SLC35F4: variants seen among roughly 807,000 people sequenced by gnomAD.
The protein encoded by SLC35F4 is solute carrier family 35 member F4.
Under a neutral mutation model 44.2 loss-of-function variants are expected in SLC35F4, and 24 were observed. The ratio of observed to expected loss-of-function variants is 0.54; its 90% CI spans 0.39 to 0.76. The LOEUF (loss-of-function observed/expected upper bound fraction) is 0.76, where lower values mean the gene tolerates loss of function less well. Among genes scored for constraint, SLC35F4 ranks in the 30% least tolerant of loss-of-function variants. SLC35F4 has a pLI of 0.00. For missense variants in SLC35F4, 562 were observed against 586.1 expected (o/e 0.96, Z 0.42); for synonymous variants, 238 against 223.6 (o/e 1.06, Z -0.57).
At position 57,563,929 on chromosome 14, in the gene SLC35F4, A is replaced by C. The variant is rs2068078995; in HGVS notation, c.*206T>G. ...AAAATCAGAAAACAGAACAAGGACA[A>C]ATGTGTTTTAATAAAAAAATCCATT... On this transcript the variant is annotated 3_prime_UTR_variant, in exon 8 of 8. Transcript: ENST00000556826. The C allele has an allele frequency of 1.7e-6, 1 of 583,466 alleles. No homozygotes were observed. The highest frequency in any genetic ancestry group is 1.9e-5 in the African/African-American group (1 of 53,028). The allele number at this position is 583,466 out of a possible 1,614,324, so 36.1% of individuals were successfully genotyped here. A position where few individuals can be genotyped will look rare whatever the true frequency, so the allele number is the denominator to read the frequency against.
At chr14:57,808,602 A>G (rs1387455852) in intron 1 of SLC35F4, among the ~76,000 whole-genome samples, 2 of 150,658 alleles carry the variant, frequency 1.3e-5, no homozygotes, top group Non-Finnish European at 2.9e-5. Context: ...TTCTTTCTCC[A>G]GCTTGGGCAA....
At chr14:57,862,971 A>G (rs1887806434) in intron 1 of SLC35F4, among the ~76,000 whole-genome samples, 2 of 152,244 alleles carry the variant, frequency 1.3e-5, no homozygotes, top group African/African-American at 4.8e-5. Flanking sequence ...CACTTGTTGA[A>G]TGAATGAATC....
chr14:57,606,012 T>C (rs2071142740), intron 1 of SLC35F4, among the ~76,000 whole-genome samples: 1 of 152,190 alleles, frequency 6.6e-6, no homozygotes, highest in Non-Finnish European at 1.5e-5. Context: ...TATTGGGTAC[T>C]ATGCTCACTA....
At chr14:57,717,844 C>A (rs36023287) in intron 1 of SLC35F4, among the ~76,000 whole-genome samples, 60,162 of 151,966 alleles carry the variant, frequency 0.4, 11,929 homozygotes, top group Middle Eastern at 0.42. Flanking sequence ...AAGCATTTAT[C>A]CTTTGTTACA....
intron 4 of SLC35F4, among the ~76,000 whole-genome samples, chr14:57,572,876 G>C (rs2068585936): frequency 1.3e-5 from 2 of 152,184 alleles, no homozygotes; most frequent in Admixed American, 1.3e-4. Context: ...CAGAGCTATA[G>C]CAAACAGTAA....
intron 1 of SLC35F4, among the ~76,000 whole-genome samples, chr14:57,880,096 GGA>G: frequency 9.4e-6 from 1 of 106,044 alleles, no homozygotes; most frequent in East Asian, 2.6e-4. Flanking sequence ...AAGGAAGGAA[GGA>G]AGGAAGGAAG....
At chr14:57,774,894 GCAC>G (rs879559679) in intron 1 of SLC35F4, among the ~76,000 whole-genome samples, 4 of 152,132 alleles carry the variant, frequency 2.6e-5, no homozygotes, top group African/African-American at 4.8e-5. Flanking sequence ...TTGTGCATGT[GCAC>G]CACGACAAGC....
chr14:57,912,176 T>C (rs953180396), intron 1 of SLC35F4, among the ~76,000 whole-genome samples: 7 of 151,930 alleles, frequency 4.6e-5, no homozygotes, highest in Admixed American at 1.3e-4. Flanking sequence ...GGCTAGAAGA[T>C]TACTAATTTT....
At chr14:57,580,967 G>A in intron 4 of SLC35F4, 1 of 343,914 alleles carries the variant, frequency 2.9e-6, no homozygotes, top group East Asian at 4.5e-5. Context: ...ATAGGAACTT[G>A]TTTTCTCTGC....
At chr14:57,735,717 C>A (rs1378820398) in intron 1 of SLC35F4, among the ~76,000 whole-genome samples, 2 of 145,278 alleles carry the variant, frequency 1.4e-5, no homozygotes, top group Non-Finnish European at 3.0e-5. Context: ...ACATAGCCAC[C>A]CCCTTTTGTT....
At chr14:57,670,691 G>T (rs1205241847) in intron 1 of SLC35F4, among the ~76,000 whole-genome samples, 1 of 151,970 alleles carries the variant, frequency 6.6e-6, no homozygotes, top group Non-Finnish European at 1.5e-5. Context: ...TGTGGTCTGA[G>T]AGACAGTTTG....
intron 1 of SLC35F4, among the ~76,000 whole-genome samples, chr14:57,761,568 T>C (rs2077125678): frequency 6.6e-6 from 1 of 152,188 alleles, no homozygotes; most frequent in African/African-American, 2.4e-5. Flanking sequence ...AGCTCCCTAC[T>C]GTACATTAAA....
intron 1 of SLC35F4, among the ~76,000 whole-genome samples, chr14:57,703,715 C>G (rs1212489577): frequency 6.6e-6 from 1 of 152,148 alleles, no homozygotes; most frequent in Non-Finnish European, 1.5e-5. Context: ...GCATTAGGCT[C>G]AAAAACTCCT....
At chr14:57,877,691 T>C (rs1888429836) in intron 1 of SLC35F4, among the ~76,000 whole-genome samples, 1 of 136,478 alleles carries the variant, frequency 7.3e-6, no homozygotes, top group African/African-American at 2.8e-5. Context: ...TTTTTTTTTT[T>C]TTTTTTTTTT....
chr14:57,675,649 T>C (rs2074668523), intron 1 of SLC35F4, among the ~76,000 whole-genome samples: 1 of 152,106 alleles, frequency 6.6e-6, no homozygotes, highest in Non-Finnish European at 1.5e-5. Context: ...TGGCTGTGGG[T>C]TTGTCATATA....
rs116982597 is a variant in SLC35F4, at chr14:57,940,808, A to G, written n.282+41105T>C. 9.0e-4 allele frequency among the ~76,000 whole-genome samples: 137 copies of G among 151,850 alleles called. 4 individuals carry two copies. In the East Asian group the frequency reaches 0.021, roughly 24 times the overall value. On this transcript the variant is annotated intron_variant and non_coding_transcript_variant, in intron 1 of 1. Coordinates refer to the SLC35F4 transcript ENST00000556568. ...TCCTCCTCCTCCTTCTTCTCCCCCT[A>G]TCAAAATGTGCTAGTTCTATGTTCC... is the stretch of plus-strand genomic sequence containing the variant.
At chr14:57,786,462 G>C (rs2077762040) in intron 1 of SLC35F4, among the ~76,000 whole-genome samples, 1 of 152,122 alleles carries the variant, frequency 6.6e-6, no homozygotes, top group African/African-American at 2.4e-5. Flanking sequence ...AGGCCAACTG[G>C]CACAAAAACC....
chr14:57,937,334 C>T (rs1235823911), intron 1 of SLC35F4, among the ~76,000 whole-genome samples: 1 of 152,038 alleles, frequency 6.6e-6, no homozygotes, highest in African/African-American at 2.4e-5. Context: ...TCCCAAAGTG[C>T]CGGGATTACA....
chr14:57,900,660 A>T (rs1013350814), intron 1 of SLC35F4, among the ~76,000 whole-genome samples: 2 of 152,252 alleles, frequency 1.3e-5, no homozygotes, highest in Non-Finnish European at 2.9e-5. Context: ...CAATTGCAAC[A>T]AAAGCAAAAA....
Sources: allele counts gnomAD v4.1 joint callset (sites outside exome capture counted in the v4.1 genomes callset), GRCh38; gene constraint gnomAD v4.1.1; transcripts MANE v1.5; gene names NCBI Gene and HGNC (gene_info 2026-07-23, HGNC 2026-07-21).